ETNK1: variants seen among roughly 807,000 people sequenced by gnomAD.
The protein encoded by ETNK1 is putative protein product of Nbla10396.
ETNK1 carries 8 observed loss-of-function variants against 45.1 expected under a neutral mutation model. The observed-to-expected ratio is 0.18, with a 90% CI of 0.10 to 0.32. The LOEUF is 0.32. Ranked by LOEUF, ETNK1 falls within the 10% of genes least tolerant of loss-of-function variation. The pLI, the probability that ETNK1 is intolerant of heterozygous loss-of-function variation, is 1.00. For synonymous variants in ETNK1, 152 were observed against 151.9 expected (o/e 1.00, Z -0.01); for missense variants, 302 against 430.6 (o/e 0.70, Z 2.64).
In ETNK1 at chr12:22,625,188, A is replaced by T. The variant is rs575063210; in HGVS notation, c.-243A>T. ...CATGCTCTGCGGCCGCCCGCGGTCC[A>T]GCTCCGACAACAGGAATTTTCTCCG... On this transcript the variant is annotated 5_prime_UTR_variant, in exon 1 of 8. Coordinates refer to ENST00000266517, the MANE Select transcript of ETNK1 (RefSeq NM_018638.5). 1.2e-6 allele frequency: 2 copies of T among 1,607,456 alleles called. No homozygotes were observed. The highest frequency in any genetic ancestry group is 1.7e-6 in the Non-Finnish European group (2 of 1,177,028).
At chr12:22,631,504 G>A (rs1214968552) in intron 1 of ETNK1, among the ~76,000 whole-genome samples, 2 of 152,100 alleles carry the variant, frequency 1.3e-5, no homozygotes, top group African/African-American at 2.4e-5. Context: ...GTGTGCTTTA[G>A]TTTTATGTAA....
chr12:22,671,433 ACC>A, intron 5 of ETNK1, 78 bp downstream of exon 5: 1 of 949,312 alleles, frequency 1.1e-6, no homozygotes. Context: ...AAGTAGATAA[ACC>A]GTGAGCAGGG....
chr12:22,666,095 C>T (rs896499825), intron 4 of ETNK1, among the ~76,000 whole-genome samples: 1 of 152,044 alleles, frequency 6.6e-6, no homozygotes, highest in Middle Eastern at 3.2e-3. Context: ...GAAATTTTGC[C>T]TCTACCTGCT....
Position 22,684,984 on chromosome 12 carries a change from G to T in ETNK1, c.*30G>T. ...GAGATTTAATTATTCTCCAGTAGCT[G>T]AGCAATGCTTGTGAATCTTTTCTTA... On this transcript the variant is annotated 3_prime_UTR_variant, in exon 8 of 8. Transcript: ENST00000266517. The T allele has an allele frequency of 6.8e-7, 1 of 1,462,412 alleles. No individual in the cohort carries two copies. Among genetic ancestry groups the T allele is most frequent in the South Asian group, 1.2e-5 (1 of 80,404 alleles). The allele number at this position is 1,462,412 out of a possible 1,614,324, so 90.6% of individuals were successfully genotyped here.
chr12:22,683,311 T>A (rs1565450103), intron 6 of ETNK1, among the ~76,000 whole-genome samples: 3 of 151,756 alleles, frequency 2.0e-5, no homozygotes, highest in Non-Finnish European at 4.4e-5. Context: ...CAAGCTGGAG[T>A]GCAGTGGCAT....
chr12:22,643,520 T>C (rs568272451), intron 1 of ETNK1, among the ~76,000 whole-genome samples: 3 of 152,200 alleles, frequency 2.0e-5, no homozygotes, highest in Admixed American at 2.0e-4. Context: ...ATTAACACTT[T>C]GGATCAAGGA....
At chr12:22,659,964 C>T (rs932640765) in intron 3 of ETNK1, among the ~76,000 whole-genome samples, 19 of 150,276 alleles carry the variant, frequency 1.3e-4, no homozygotes, top group African/African-American at 4.7e-4. Context: ...TTCTTTTATT[C>T]CATTTTGTTT....
At chr12:22,684,666 A>G (rs1320945722) in intron 7 of ETNK1, 110 bp downstream of exon 7, 4 of 839,878 alleles carry the variant, frequency 4.8e-6, no homozygotes, top group East Asian at 5.2e-5. Context: ...TAAAAGTTGT[A>G]TACACTTAGT....
intron 2 of ETNK1, among the ~76,000 whole-genome samples, chr12:22,646,510 A>T (rs1953808534): frequency 6.6e-6 from 1 of 151,826 alleles, no homozygotes; most frequent in African/African-American, 2.4e-5. Context: ...TTTAATAGGG[A>T]CTTACTGACA....
In ETNK1 at chr12:22,687,147, A is replaced by G. The variant is rs964109835; in HGVS notation, c.*2193A>G. The G allele has an allele frequency of 2.6e-5, 4 of 151,726 alleles. No individual in the cohort carries two copies. The highest frequency in any genetic ancestry group is 9.7e-5 in the African/African-American group (4 of 41,352). The allele number at this position is 151,726 out of a possible 1,614,324, so 9.4% of individuals were successfully genotyped here. A position where few individuals can be genotyped will look rare whatever the true frequency, so the allele number is the denominator to read the frequency against. Reference sequence around the variant, plus strand: ...CAGTGGATCTTGGGAACAAAATAAGATATCTAATCTATTTTCCCCATTCTG... The same window carrying G: ...CAGTGGATCTTGGGAACAAAATAAGGTATCTAATCTATTTTCCCCATTCTG... On this transcript the variant is annotated 3_prime_UTR_variant, in exon 8 of 8. Coordinates refer to ENST00000266517, the MANE Select transcript of ETNK1 (RefSeq NM_018638.5).
At chr12:22,660,159 A>G (rs1953985225) in intron 3 of ETNK1, among the ~76,000 whole-genome samples, 1 of 152,136 alleles carries the variant, frequency 6.6e-6, no homozygotes, top group Non-Finnish European at 1.5e-5. Flanking sequence ...AAATATAGGT[A>G]GAAACCACCT....
At position 22,687,793 on chromosome 12, in the gene ETNK1, T is replaced by C. The variant is rs927561919; in HGVS notation, c.*2839T>C. Reference sequence around the variant, plus strand: ...CTTGCATATGAGACTGTGTATTGTTTTGCATTCTCTTCCCTTTTGTAGAAA... The same window carrying C: ...CTTGCATATGAGACTGTGTATTGTTCTGCATTCTCTTCCCTTTTGTAGAAA... On this transcript the variant is annotated 3_prime_UTR_variant, in exon 8 of 8. Coordinates refer to ENST00000266517, the MANE Select transcript of ETNK1 (RefSeq NM_018638.5). The C allele has an allele frequency of 6.6e-6, 1 of 152,330 alleles. No individual in the cohort carries two copies. The highest frequency in any genetic ancestry group is 1.9e-4 in the East Asian group (1 of 5,190). 9.4% of individuals were successfully genotyped at this position (152,330 alleles called of 1,614,324 possible). A position where few individuals can be genotyped will look rare whatever the true frequency, so the allele number is the denominator to read the frequency against.
At chr12:22,682,512 A>G (rs1004164994) in intron 6 of ETNK1, among the ~76,000 whole-genome samples, 75 of 152,286 alleles carry the variant, frequency 4.9e-4, no homozygotes, top group African/African-American at 1.6e-3. Context: ...TTTTCCTGAG[A>G]CATCCATTGT....
intron 1 of ETNK1, among the ~76,000 whole-genome samples, chr12:22,629,173 A>G (rs1372165757): frequency 2.6e-5 from 4 of 152,174 alleles, no homozygotes; most frequent in African/African-American, 9.6e-5. Flanking sequence ...GAATCAAAAA[A>G]CAAATATTTG....
intron 1 of ETNK1, among the ~76,000 whole-genome samples, chr12:22,635,753 G>C (rs1953648111): frequency 6.6e-6 from 1 of 151,994 alleles, no homozygotes; most frequent in African/African-American, 2.4e-5. Context: ...GGTTTTATTT[G>C]GTGTGTGTGT....
At chr12:22,648,272 C>T (rs1169239831) in intron 2 of ETNK1, among the ~76,000 whole-genome samples, 1 of 151,898 alleles carries the variant, frequency 6.6e-6, no homozygotes, top group Non-Finnish European at 1.5e-5. Flanking sequence ...GATGTACATT[C>T]TGTGGGTTTG....
At chr12:22,678,114 C>T (rs1234764505) in intron 6 of ETNK1, among the ~76,000 whole-genome samples, 2 of 152,100 alleles carry the variant, frequency 1.3e-5, no homozygotes, top group African/African-American at 4.8e-5. Context: ...TAGCCGTTTA[C>T]CTTCCTCTCT....
chr12:22,673,762 A>G (rs1354056379), intron 6 of ETNK1, 102 bp downstream of exon 6: 2 of 1,176,796 alleles, frequency 1.7e-6, no homozygotes, highest in Non-Finnish European at 2.4e-6. Flanking sequence ...AGTTTTGTGA[A>G]TTTTTGTTCA....
intron 2 of ETNK1, among the ~76,000 whole-genome samples, chr12:22,658,228 A>T (rs1953963896): frequency 6.6e-6 from 1 of 152,138 alleles, no homozygotes; most frequent in Admixed American, 6.5e-5. Flanking sequence ...AATGGAGAGA[A>T]CAGAGGGGCC....
Sources: gnomAD v4.1 joint callset for allele counts (sites outside exome capture counted in the v4.1 genomes callset) on GRCh38, gnomAD v4.1.1 for gene constraint, MANE v1.5 for transcripts, NCBI Gene and HGNC (gene_info 2026-07-23, HGNC 2026-07-21) for gene names.